The following FRMD4B variants were observed in gnomAD, a reference collection of about 807,000 sequenced individuals.
The protein encoded by FRMD4B is FERM domain-containing protein 4B.
A neutral mutation model predicts 141.5 loss-of-function variants in FRMD4B; 74 were observed. That is an observed-to-expected ratio of 0.52 (90% CI 0.43 to 0.63). The LOEUF (loss-of-function observed/expected upper bound fraction) is 0.63. Ranked by LOEUF, FRMD4B falls within the 30% of genes least tolerant of loss-of-function variation. FRMD4B has a pLI of 0.00. For synonymous variants in FRMD4B, 506 were observed against 467.9 expected, an observed-to-expected ratio of 1.08 and a Z score of -1.05; for missense variants, 1,366 against 1,253.4, an observed-to-expected ratio of 1.09 and a Z score of -1.36.
At chr3:69,174,493 G>T (rs2092622403) in intron 22 of FRMD4B, among the ~76,000 whole-genome samples, 1 of 152,106 alleles carries the variant, frequency 6.6e-6, no homozygotes, top group African/African-American at 2.4e-5. Flanking sequence ...TGGAATTATG[G>T]CTAATTTATT....
chr3:69,414,915 G>C (rs549673977), intron 2 of FRMD4B, among the ~76,000 whole-genome samples: 5 of 146,732 alleles, frequency 3.4e-5, no homozygotes, highest in Non-Finnish European at 5.9e-5. Context: ...ACCTAGGCTG[G>C]AGTGCAGTAG....
chr3:69,279,798 TCC>T (rs2093636550), intron 5 of FRMD4B, among the ~76,000 whole-genome samples: 1 of 133,340 alleles, frequency 7.5e-6, no homozygotes, highest in Non-Finnish European at 1.6e-5. Flanking sequence ...CTCCTCCTCC[TCC>T]TCCTCCTCTT....
intron 11 of FRMD4B, among the ~76,000 whole-genome samples, chr3:69,210,013 G>A (rs2093060180): frequency 6.6e-6 from 1 of 152,214 alleles, no homozygotes; most frequent in Non-Finnish European, 1.5e-5. Flanking sequence ...AAGAAAACAG[G>A]AAGACTTTTG....
At chr3:69,540,844 T>C (rs1701171945) in intron 1 of FRMD4B, among the ~76,000 whole-genome samples, 1 of 151,886 alleles carries the variant, frequency 6.6e-6, no homozygotes, top group Non-Finnish European at 1.5e-5. Context: ...TCCGGTAAGT[T>C]ACTTAACCTC....
intron 1 of FRMD4B, among the ~76,000 whole-genome samples, chr3:69,464,819 C>G (rs1264943005): frequency 6.6e-6 from 1 of 152,150 alleles, no homozygotes; most frequent in Non-Finnish European, 1.5e-5. Flanking sequence ...CAACAAGCAT[C>G]AAACAGAACA....
intron 7 of FRMD4B, among the ~76,000 whole-genome samples, chr3:69,234,382 G>C (rs1316392451): frequency 6.6e-6 from 1 of 152,050 alleles, no homozygotes; most frequent in Non-Finnish European, 1.5e-5. Context: ...TTATTAAAAA[G>C]GATCTTGGTT....
chr3:69,258,524 T>C (rs528154135), intron 5 of FRMD4B, among the ~76,000 whole-genome samples: 2 of 152,268 alleles, frequency 1.3e-5, no homozygotes, highest in South Asian at 2.1e-4. Flanking sequence ...AATTTGCAGT[T>C]TTTTTTTCAA....
intron 7 of FRMD4B, among the ~76,000 whole-genome samples, chr3:69,236,777 G>T (rs1213743781): frequency 6.6e-6 from 1 of 152,110 alleles, no homozygotes; most frequent in African/African-American, 2.4e-5. Flanking sequence ...CTAAGGCCTG[G>T]GATGGGATGA....
chr3:69,297,511 A>G (rs1032807176), intron 4 of FRMD4B, among the ~76,000 whole-genome samples: 1 of 152,112 alleles, frequency 6.6e-6, no homozygotes, highest in Non-Finnish European at 1.5e-5. Context: ...AAAAAATAAT[A>G]AAGGGGATGA....
chr3:69,310,581 CAGAGAGAGAGAGAGAGAG>C (rs56741050), intron 3 of FRMD4B: 7 of 167,598 alleles, frequency 4.2e-5, no homozygotes, highest in African/African-American at 1.1e-4. Context: ...CACACACACA[CAGAGAGAGAGAGAGAGAG>C]AGAGAGAGAG....
chr3:69,418,374 C>A (rs146523673), intron 2 of FRMD4B, among the ~76,000 whole-genome samples: 331 of 152,228 alleles, frequency 2.2e-3, no homozygotes, highest in African/African-American at 7.6e-3. Flanking sequence ...ATGACCTCCA[C>A]ACCCTGTGTA....
At chr3:69,293,320 G>A (rs1230280459) in intron 4 of FRMD4B, among the ~76,000 whole-genome samples, 4 of 151,890 alleles carry the variant, frequency 2.6e-5, no homozygotes, top group Non-Finnish European at 4.4e-5. Flanking sequence ...AGAGACATTA[G>A]TTTGAATCCT....
intron 16 of FRMD4B, 57 bp from the exon 17 acceptor site, chr3:69,193,930 T>C: frequency 9.4e-7 from 1 of 1,061,562 alleles, no homozygotes; most frequent in East Asian, 2.4e-5. Context: ...AACTCTTACA[T>C]GCATTGTGTA....
intron 1 of FRMD4B, among the ~76,000 whole-genome samples, chr3:69,440,783 T>C (rs1436682193): frequency 2.0e-5 from 3 of 152,066 alleles, no homozygotes; most frequent in Non-Finnish European, 4.4e-5. Context: ...ACTCCAGCCT[T>C]GGCAACAGAG....
rs759482815 is a variant in FRMD4B at position 69,193,797 on chromosome 3, T to C, written c.1565A>G (p.Asn522Ser). The change falls in exon 17 of 23, where the codon AAT becomes AGT. Residue 522 changes from asparagine (N) to serine (S), a missense_variant. Transcript: ENST00000398540. ...CACAGTTTTACAAAGGTCTGGCTCA[T>C]TGGCAAGTTTCTTTGCAGCTTCCAC... The part of the protein sequence containing the change: ...KLVEAAKKLA[N>S]EPDLCKTVKK... 1.2e-6 allele frequency: 2 copies of C among 1,613,754 alleles called. No individual in the cohort carries two copies. The highest frequency in any genetic ancestry group is 1.3e-5 in the African/African-American group (1 of 74,948).
intron 1 of FRMD4B, among the ~76,000 whole-genome samples, chr3:69,507,559 C>T (rs1277830281): frequency 2.0e-5 from 3 of 152,080 alleles, no homozygotes; most frequent in African/African-American, 4.8e-5. Context: ...ATATGTTTAA[C>T]CAGTACCATA....
chr3:69,171,655 A>G lies in FRMD4B; in HGVS notation c.*206T>C, dbSNP rs1325783098. 3 of 531,974 alleles carry G rather than the reference A, an allele frequency of 5.6e-6. No individual in the cohort carries two copies. Among genetic ancestry groups the G allele is most frequent in the East Asian group, 6.5e-5 (2 of 30,742 alleles). 33.0% of individuals were successfully genotyped at this position (531,974 alleles called of 1,614,324 possible). On this transcript the variant is annotated 3_prime_UTR_variant, in exon 23 of 23. Coordinates refer to ENST00000398540, the MANE Select transcript of FRMD4B (RefSeq NM_015123.3). ...AGACCCTACAGTTACGTTAGTGCCT[A>G]GAGTTTGAAAGGCCAAATCCTCCTT...
chr3:69,496,632 AGAGAAAG>A (rs1706398233), intron 1 of FRMD4B, among the ~76,000 whole-genome samples: 1 of 79,488 alleles, frequency 1.3e-5, no homozygotes, highest in Non-Finnish European at 2.6e-5. Context: ...AGAGAGAGAG[AGAGAAAG>A]AGAGAGAGAG....
intron 16 of FRMD4B, among the ~76,000 whole-genome samples, chr3:69,194,121 T>C (rs1055718386): frequency 2.0e-5 from 3 of 152,250 alleles, no homozygotes; most frequent in African/African-American, 4.8e-5. Context: ...ATTCAGTTGG[T>C]TGGGAGAAGA....
Sources: allele counts gnomAD v4.1 joint callset (sites outside exome capture counted in the v4.1 genomes callset), GRCh38; gene constraint gnomAD v4.1.1; transcripts MANE v1.5; gene names NCBI Gene and HGNC (gene_info 2026-07-23, HGNC 2026-07-21).